KIAA1217: variants seen among roughly 807,000 people sequenced by gnomAD.
KIAA1217 encodes the protein sickle tail protein homolog.
In KIAA1217, 88 loss-of-function variants were observed where a neutral mutation model predicts 163.9. That is an observed-to-expected ratio of 0.54 (90% CI 0.45 to 0.64). The LOEUF (loss-of-function observed/expected upper bound fraction) is 0.64, where lower values mean the gene tolerates loss of function less well. Among genes scored for constraint, KIAA1217 ranks in the 30% least tolerant of loss-of-function variants. The probability of loss-of-function intolerance (pLI) is 0.00; values close to 1 mark genes in which losing one functional copy is unlikely to be tolerated. For missense variants in KIAA1217, 2,372 were observed against 2,475.0 expected, an observed-to-expected ratio of 0.96 and a Z score of 0.88; for synonymous variants, 903 against 923.1, an observed-to-expected ratio of 0.98 and a Z score of 0.39.
At chr10:24,099,982 C>T (rs2062344204) in intron 2 of KIAA1217, among the ~76,000 whole-genome samples, 1 of 152,034 alleles carries the variant, frequency 6.6e-6, no homozygotes, top group African/African-American at 2.4e-5. Flanking sequence ...CTTTTATTTG[C>T]CTGCCAATAA....
At chr10:24,427,604 G>T (rs935221766) in intron 3 of KIAA1217, among the ~76,000 whole-genome samples, 1 of 152,180 alleles carries the variant, frequency 6.6e-6, no homozygotes, top group Non-Finnish European at 1.5e-5. Context: ...CTGATGAGAT[G>T]AAATACATAC....
At chr10:24,528,487 T>C (rs2072581365) in intron 14 of KIAA1217, among the ~76,000 whole-genome samples, 1 of 151,806 alleles carries the variant, frequency 6.6e-6, no homozygotes, top group South Asian at 2.1e-4. Flanking sequence ...CCACTGCACA[T>C]GTCTAATTTT....
chr10:24,418,891 T>G (rs1311170194), intron 3 of KIAA1217, among the ~76,000 whole-genome samples: 3 of 151,788 alleles, frequency 2.0e-5, no homozygotes, highest in Non-Finnish European at 4.4e-5. Context: ...TTTAAGAAAA[T>G]CTCTGCTGGG....
chr10:24,005,023 C>T (rs1432372346), intron 1 of KIAA1217, among the ~76,000 whole-genome samples: 1 of 152,164 alleles, frequency 6.6e-6, no homozygotes, highest in Non-Finnish European at 1.5e-5. Flanking sequence ...AAAGAGTAAA[C>T]TTATTCACAT....
chr10:23,720,666 C>T (rs1452381290), intron 1 of KIAA1217, among the ~76,000 whole-genome samples: 1 of 152,162 alleles, frequency 6.6e-6, no homozygotes, highest in African/African-American at 2.4e-5. Flanking sequence ...ATCTTGTTTG[C>T]ACCAAACACT....
At chr10:24,183,184 G>A (rs543165267) in intron 2 of KIAA1217, among the ~76,000 whole-genome samples, 75 of 152,246 alleles carry the variant, frequency 4.9e-4, no homozygotes, top group African/African-American at 1.4e-3. Context: ...AGCCCTCACC[G>A]GAAGTCAAGG....
At chr10:24,343,048 T>C (rs138978305) in intron 2 of KIAA1217, among the ~76,000 whole-genome samples, 11 of 152,356 alleles carry the variant, frequency 7.2e-5, no homozygotes, top group African/African-American at 2.6e-4. Flanking sequence ...ATTATTTTTC[T>C]AGTTTCTGTC....
intron 2 of KIAA1217, among the ~76,000 whole-genome samples, chr10:24,223,575 CT>C (rs2069971730): frequency 6.6e-6 from 1 of 152,162 alleles, no homozygotes; most frequent in African/African-American, 2.4e-5. Flanking sequence ...ACCAGATGCT[CT>C]TCTGGCAGCT....
chr10:24,248,917 G>A (rs918852764), intron 2 of KIAA1217, among the ~76,000 whole-genome samples: 1 of 152,182 alleles, frequency 6.6e-6, no homozygotes, highest in African/African-American at 2.4e-5. Flanking sequence ...AAGGCACACT[G>A]CGAGAGGGAT....
chr10:23,974,527 T>C (rs148463560), intron 1 of KIAA1217, among the ~76,000 whole-genome samples: 442 of 152,204 alleles, frequency 2.9e-3, no homozygotes, highest in African/African-American at 0.01. Context: ...CCCAGCACAG[T>C]GGCTGACACC....
chr10:23,937,865 C>T (rs1374608971), intron 1 of KIAA1217, among the ~76,000 whole-genome samples: 2 of 152,120 alleles, frequency 1.3e-5, no homozygotes, highest in Non-Finnish European at 2.9e-5. Flanking sequence ...ATGAGATGAA[C>T]CCTGGGATTG....
At position 24,098,548 on chromosome 10, in the gene KIAA1217, G is replaced by A. The variant is rs545349342; in HGVS notation, c.-171+91174G>A. Among the ~76,000 whole-genome samples, 15 of 152,258 alleles carry A rather than the reference G, an allele frequency of 9.9e-5. No homozygotes were observed. The East Asian group carries it at 1.4e-3, about 14-fold the overall frequency. On this transcript the variant is annotated intron_variant, in intron 2 of 18. Transcript: ENST00000376462. Reference sequence around the variant, plus strand: ...AAAAGCTACAGCCTTGATACCCTCTGTGGGGCAGGGTCCATGCAAGCCACT... The same window carrying A: ...AAAAGCTACAGCCTTGATACCCTCTATGGGGCAGGGTCCATGCAAGCCACT...
chr10:23,974,525 A>G (rs1024276455), intron 1 of KIAA1217, among the ~76,000 whole-genome samples: 6 of 152,128 alleles, frequency 3.9e-5, no homozygotes, highest in Non-Finnish European at 7.4e-5. Context: ...GGCCCAGCAC[A>G]GTGGCTGACA....
At chr10:24,254,710 G>C (rs1483801199) in intron 2 of KIAA1217, among the ~76,000 whole-genome samples, 1 of 152,200 alleles carries the variant, frequency 6.6e-6, no homozygotes, top group Non-Finnish European at 1.5e-5. Context: ...TTTGGGCTTT[G>C]CCACGTGGTG....
intron 2 of KIAA1217, among the ~76,000 whole-genome samples, chr10:24,048,175 C>T (rs1212233755): frequency 6.6e-6 from 1 of 152,156 alleles, no homozygotes. Flanking sequence ...ATAGTTTTGG[C>T]TCATTACTGA....
intron 2 of KIAA1217, among the ~76,000 whole-genome samples, chr10:24,099,652 C>T (rs2062322344): frequency 6.7e-6 from 1 of 148,694 alleles, no homozygotes; most frequent in Non-Finnish European, 1.5e-5. Context: ...AGGTTTGTTA[C>T]ATATGTATAC....
At chr10:23,995,450 C>CTCTGTGTGTGTGTGTGTG (rs980015208) in intron 1 of KIAA1217, among the ~76,000 whole-genome samples, 118 of 147,826 alleles carry the variant, frequency 8.0e-4, no homozygotes, top group African/African-American at 2.8e-3. Context: ...CAATTATGGC[C>CTCTGTGTGTGTGTGTGTG]TGTGTGTGTG....
At chr10:24,052,127 T>C (rs1252677009) in intron 2 of KIAA1217, among the ~76,000 whole-genome samples, 1 of 152,174 alleles carries the variant, frequency 6.6e-6, no homozygotes, top group Non-Finnish European at 1.5e-5. Flanking sequence ...GTACTCCAAG[T>C]TCAAGAAGAG....
intron 1 of KIAA1217, among the ~76,000 whole-genome samples, chr10:23,842,060 A>AT (rs1838813771): frequency 6.6e-6 from 1 of 151,552 alleles, no homozygotes; most frequent in Non-Finnish European, 1.5e-5. Context: ...TAGAGATGGG[A>AT]TTTTGCCATG....
Sources: gnomAD v4.1 joint callset for allele counts (sites outside exome capture counted in the v4.1 genomes callset) on GRCh38, gnomAD v4.1.1 for gene constraint, MANE v1.5 for transcripts, NCBI Gene and HGNC (gene_info 2026-07-23, HGNC 2026-07-21) for gene names.